KIAA1328: variants seen among roughly 807,000 people sequenced by gnomAD.
KIAA1328 encodes protein hinderin.
In KIAA1328, 52 loss-of-function variants were observed where a neutral mutation model predicts 68.1. The ratio of observed to expected loss-of-function variants is 0.76; its 90% confidence interval spans 0.61 to 0.96. The LOEUF (loss-of-function observed/expected upper bound fraction) is 0.96, where lower values mean the gene tolerates loss of function less well. Ranked by LOEUF, KIAA1328 falls within the 40% of genes least tolerant of loss-of-function variation. The pLI is 0.00. For synonymous variants in KIAA1328, 232 were observed against 239.4 expected, an observed-to-expected ratio of 0.97 and a Z score of 0.28; for missense variants, 641 against 677.6, an observed-to-expected ratio of 0.95 and a Z score of 0.60.
At chr18:37,103,751 C>T (rs1027551721) in intron 7 of KIAA1328, among the ~76,000 whole-genome samples, 27 of 151,486 alleles carry the variant, frequency 1.8e-4, no homozygotes, top group African/African-American at 5.6e-4. Flanking sequence ...ACAAAGTATT[C>T]ATCAGACAAG....
intron 6 of KIAA1328, among the ~76,000 whole-genome samples, chr18:37,064,315 A>G (rs966597683): frequency 6.6e-6 from 1 of 152,146 alleles, no homozygotes; most frequent in Non-Finnish European, 1.5e-5. Flanking sequence ...TTATCATAGG[A>G]TAAGAAACAT....
chr18:37,118,737 A>C (rs568835402), intron 7 of KIAA1328, among the ~76,000 whole-genome samples: 1 of 152,254 alleles, frequency 6.6e-6, no homozygotes, highest in South Asian at 2.1e-4. Context: ...CAGACCCTAA[A>C]GTCATTGAGA....
At chr18:37,165,777 G>A (rs911248384) in intron 8 of KIAA1328, among the ~76,000 whole-genome samples, 1 of 151,620 alleles carries the variant, frequency 6.6e-6, no homozygotes, top group Admixed American at 6.6e-5. Flanking sequence ...ATTTTTAGTA[G>A]CAACAGGGTT....
intron 7 of KIAA1328, among the ~76,000 whole-genome samples, chr18:37,139,342 G>C (rs1197329463): frequency 6.6e-6 from 1 of 152,116 alleles, no homozygotes; most frequent in Non-Finnish European, 1.5e-5. Flanking sequence ...TGAAGATTTA[G>C]TTGGGATGTT....
intron 6 of KIAA1328, among the ~76,000 whole-genome samples, chr18:37,013,804 A>G (rs1001736623): frequency 1.3e-5 from 2 of 152,214 alleles, no homozygotes; most frequent in African/African-American, 4.8e-5. Flanking sequence ...TGTGATGAAC[A>G]TGCAAGTACA....
intron 6 of KIAA1328, among the ~76,000 whole-genome samples, chr18:36,977,825 C>T (rs1240774903): frequency 6.6e-6 from 1 of 151,950 alleles, no homozygotes; most frequent in Non-Finnish European, 1.5e-5. Flanking sequence ...ACTCTGTCCC[C>T]CAGGCTGGAG....
chr18:36,970,105 C>T (rs1337758175), intron 6 of KIAA1328, among the ~76,000 whole-genome samples: 2 of 152,270 alleles, frequency 1.3e-5, no homozygotes, highest in African/African-American at 4.8e-5. Flanking sequence ...AAAGCTTGTC[C>T]ATCACAATCA....
chr18:37,070,122 T>A (rs1200279443), intron 7 of KIAA1328, among the ~76,000 whole-genome samples: 1 of 152,176 alleles, frequency 6.6e-6, no homozygotes, highest in Non-Finnish European at 1.5e-5. Context: ...TCCAAGTTCT[T>A]AAAGATTTTC....
At chr18:36,924,945 C>G (rs963744221) in intron 5 of KIAA1328, 1 of 152,104 alleles carries the variant, frequency 6.6e-6, no homozygotes, top group Non-Finnish European at 1.5e-5. Flanking sequence ...AGTGTAGTAT[C>G]CTGAAACACC....
chr18:37,096,165 G>A (rs1022501953), intron 7 of KIAA1328, among the ~76,000 whole-genome samples: 3 of 151,978 alleles, frequency 2.0e-5, no homozygotes, highest in African/African-American at 7.3e-5. Flanking sequence ...CCATGTTGGT[G>A]TGCTGCACCC....
chr18:37,220,316 G>C (rs2060533151), intron 9 of KIAA1328, among the ~76,000 whole-genome samples: 1 of 152,134 alleles, frequency 6.6e-6, no homozygotes, highest in Non-Finnish European at 1.5e-5. Context: ...AATTCACAGT[G>C]CTTGTTTATG....
chr18:37,071,939 C>T (rs2056547686), intron 7 of KIAA1328, among the ~76,000 whole-genome samples: 2 of 151,928 alleles, frequency 1.3e-5, no homozygotes, highest in South Asian at 4.1e-4. Flanking sequence ...ATCTGAACAA[C>T]AGAAATAGAC....
At chr18:37,180,356 C>T (rs138945062) in intron 9 of KIAA1328, among the ~76,000 whole-genome samples, 214 of 152,262 alleles carry the variant, frequency 1.4e-3, no homozygotes, top group African/African-American at 4.9e-3. Context: ...AGACATGAAT[C>T]GAGCTTTTCT....
intron 6 of KIAA1328, among the ~76,000 whole-genome samples, chr18:37,019,451 G>T (rs544400300): frequency 3.9e-5 from 6 of 152,172 alleles, no homozygotes; most frequent in African/African-American, 1.4e-4. Context: ...TCACGGTGCC[G>T]GGAGGCAAGA....
chr18:36,997,834 G>A (rs2151438488), intron 6 of KIAA1328, among the ~76,000 whole-genome samples: 1 of 152,274 alleles, frequency 6.6e-6, no homozygotes, highest in East Asian at 1.9e-4. Flanking sequence ...GTGAGATACG[G>A]TGGGGCCTCT....
intron 7 of KIAA1328, among the ~76,000 whole-genome samples, chr18:37,113,735 C>G (rs1310637585): frequency 6.6e-6 from 1 of 152,136 alleles, no homozygotes; most frequent in Non-Finnish European, 1.5e-5. Flanking sequence ...AGATTCAAGA[C>G]TCATCATTGT....
rs1416312224 is a variant in KIAA1328, at chr18:37,198,196, G to A, written c.1524-23821G>A. 7.2e-5 allele frequency among the ~76,000 whole-genome samples: 11 copies of A among 152,264 alleles called. 1 individual carries two copies. In the South Asian group the frequency reaches 8.3e-4, roughly 11 times the overall value. ...TGAGAGGGGCTTGAGAGTAAGGAGTGACTGTTGATGGGTACAACGTGTCTT... is the reference window on the plus strand; with the variant it reads ...TGAGAGGGGCTTGAGAGTAAGGAGTAACTGTTGATGGGTACAACGTGTCTT... On this transcript the variant is annotated intron_variant, in intron 9 of 9. Coordinates refer to ENST00000280020, the MANE Select transcript of KIAA1328 (RefSeq NM_020776.3).
chr18:36,894,950 CAT>C (rs369664086), intron 5 of KIAA1328, among the ~76,000 whole-genome samples: 72 of 152,264 alleles, frequency 4.7e-4, no homozygotes, highest in African/African-American at 1.7e-3. Flanking sequence ...TGTCAAGTAA[CAT>C]GTGTGACCTT....
intron 9 of KIAA1328, among the ~76,000 whole-genome samples, chr18:37,176,831 A>G (rs768702992): frequency 6.6e-6 from 1 of 152,360 alleles, no homozygotes; most frequent in East Asian, 1.9e-4. Context: ...TGCTTCTCAA[A>G]TGAATGTGTT....
Sources: allele counts gnomAD v4.1 joint callset (sites outside exome capture counted in the v4.1 genomes callset), GRCh38; gene constraint gnomAD v4.1.1; transcripts MANE v1.5; gene names NCBI Gene and HGNC (gene_info 2026-07-23, HGNC 2026-07-21).